The following MCC variants were observed in gnomAD, a reference collection of about 807,000 sequenced individuals.
MCC encodes colorectal mutant cancer protein.
A neutral mutation model predicts 116.2 loss-of-function variants in MCC; 90 were observed. That is an observed-to-expected ratio of 0.77 (90% CI 0.65 to 0.92). The LOEUF (loss-of-function observed/expected upper bound fraction) is 0.92. Among genes scored for constraint, MCC ranks in the 40% least tolerant of loss-of-function variants. MCC has a pLI of 0.00. For missense variants in MCC, 1,516 were observed against 1,312.2 expected, an observed-to-expected ratio of 1.16 and a Z score of -2.40; for synonymous variants, 578 against 510.5, an observed-to-expected ratio of 1.13 and a Z score of -1.78.
At chr5:113,366,072 G>A (rs1325943902) in intron 2 of MCC, among the ~76,000 whole-genome samples, 2 of 152,010 alleles carry the variant, frequency 1.3e-5, no homozygotes, top group East Asian at 3.8e-4. Context: ...CTTCTTTTGT[G>A]CTTTCGAAAC....
chr5:113,101,489 G>A (rs186306330), intron 8 of MCC: 44 of 505,732 alleles, frequency 8.7e-5, no homozygotes, highest in South Asian at 5.1e-4. Flanking sequence ...TCACTGCCCC[G>A]ATGTAATTTT....
chr5:113,068,063 A>G lies in MCC; in HGVS notation c.2029+17T>C, dbSNP rs759466495. On this transcript the variant is annotated intron_variant, in intron 13 of 18. Transcript: ENST00000408903. ...CAGGGAGACAAGAGGAGGAAGAGGG[A>G]CTCTGGAGACACTTACCAGGGGAGG... 6.2e-7 allele frequency: 1 copy of G among 1,604,416 alleles called. No individual in the cohort carries two copies. Among genetic ancestry groups the G allele is most frequent in the East Asian group, 2.2e-5 (1 of 44,820 alleles).
intron 3 of MCC, among the ~76,000 whole-genome samples, chr5:113,238,003 G>C (rs1764196503): frequency 6.6e-6 from 1 of 152,196 alleles, no homozygotes; most frequent in African/African-American, 2.4e-5. Context: ...AGCATGCTTT[G>C]TGGATTTTCT....
At chr5:113,082,757 A>G (rs1581017075) in intron 11 of MCC, 103 bp downstream of exon 11, 1 of 1,411,706 alleles carries the variant, frequency 7.1e-7, no homozygotes, top group Non-Finnish European at 9.7e-7. Context: ...GTACTGCTCT[A>G]TGTCACAATA....
At chr5:113,063,560 G>A (rs1319566511) in intron 14 of MCC, among the ~76,000 whole-genome samples, 2 of 152,254 alleles carry the variant, frequency 1.3e-5, no homozygotes, top group African/African-American at 4.8e-5. Flanking sequence ...GGAGAGTGAT[G>A]TCTGGAACTA....
chr5:113,073,241 A>G (rs6878438), intron 11 of MCC, among the ~76,000 whole-genome samples: 21,827 of 152,078 alleles, frequency 0.14, 1,802 homozygotes, highest in South Asian at 0.22. Context: ...CCTTTCTCTT[A>G]TTCAAGTGCA....
chr5:113,277,506 C>T (rs1765874788), intron 3 of MCC, among the ~76,000 whole-genome samples: 1 of 152,126 alleles, frequency 6.6e-6, no homozygotes, highest in Admixed American at 6.5e-5. Flanking sequence ...CTTTATCCTG[C>T]CCTTTCTGTA....
chr5:113,358,935 A>G (rs892565336), intron 2 of MCC, among the ~76,000 whole-genome samples: 6 of 152,202 alleles, frequency 3.9e-5, no homozygotes, highest in Admixed American at 3.9e-4. Context: ...TTACTAACAC[A>G]GGCCAATTGT....
At chr5:113,323,963 T>C (rs1156239039) in intron 3 of MCC, among the ~76,000 whole-genome samples, 1 of 152,354 alleles carries the variant, frequency 6.6e-6, no homozygotes, top group African/African-American at 2.4e-5. Flanking sequence ...CTATCTACTT[T>C]TCAGTTATTT....
intron 13 of MCC, among the ~76,000 whole-genome samples, chr5:113,064,689 T>C (rs1237191224): frequency 6.6e-6 from 1 of 152,172 alleles, no homozygotes; most frequent in Non-Finnish European, 1.5e-5. Flanking sequence ...CTCTGTATTA[T>C]AGGTACCGAT....
At chr5:113,143,480 A>G in intron 4 of MCC, 120 bp from the exon 5 acceptor site, 5 of 1,053,358 alleles carry the variant, frequency 4.7e-6, no homozygotes, top group Non-Finnish European at 7.0e-6. Context: ...CCCAAATAAA[A>G]TGTATGTCAG....
In MCC at chr5:113,401,282, G is replaced by T. The variant is rs1231302495; in HGVS notation, c.171-16070C>A. ...TACAACATGTATTTAATATATAAAAGATTCACAGTGTACTGTGAATGATAA... is the reference window on the plus strand; with the variant it reads ...TACAACATGTATTTAATATATAAAATATTCACAGTGTACTGTGAATGATAA... On this transcript the variant is annotated intron_variant, in intron 1 of 18. Coordinates refer to ENST00000408903, the MANE Select transcript of MCC (RefSeq NM_001085377.2). Among the ~76,000 whole-genome samples, 4 of 152,100 alleles carry T rather than the reference G, an allele frequency of 2.6e-5. No individual in the cohort carries two copies. The East Asian group carries it at 7.7e-4, about 29-fold the overall frequency.
chr5:113,071,591 A>G (rs1754047560), intron 11 of MCC, among the ~76,000 whole-genome samples: 3 of 152,214 alleles, frequency 2.0e-5, no homozygotes, highest in Non-Finnish European at 4.4e-5. Flanking sequence ...GTGGGCTTAG[A>G]TAAGTCACCC....
At position 113,071,116 on chromosome 5, in the gene MCC, G is replaced by A. The variant is rs1754007214; in HGVS notation, c.1903C>T (p.Leu635=). 1.2e-6 allele frequency: 2 copies of A among 1,609,612 alleles called. No individual in the cohort carries two copies. The highest frequency in any genetic ancestry group is 1.7e-6 in the Non-Finnish European group (2 of 1,178,504). Residue 635 remains leucine, a synonymous_variant, in exon 12 of 19, where the codon CTG becomes TTG. Transcript: ENST00000408903. ...TACCTGTACTGCAAGGCCAGCCTCAGCGCTGTGGCATTGGATTCGTATTTT... is the reference window on the plus strand; with the variant it reads ...TACCTGTACTGCAAGGCCAGCCTCAACGCTGTGGCATTGGATTCGTATTTT... The part of the protein sequence containing the change: ...VGKYESNATA[L]RLALQYSEQC...
chr5:113,270,753 G>A (rs1249363974), intron 3 of MCC, among the ~76,000 whole-genome samples: 1 of 150,952 alleles, frequency 6.6e-6, no homozygotes, highest in Non-Finnish European at 1.5e-5. Flanking sequence ...TGTGACCTGA[G>A]CTATATCCCT....
At chr5:113,250,667 TTGTG>T (rs1464019353) in intron 3 of MCC, among the ~76,000 whole-genome samples, 2 of 152,196 alleles carry the variant, frequency 1.3e-5, no homozygotes, top group South Asian at 2.1e-4. Context: ...ATGGAACTGT[TTGTG>T]TAAGTGGTGT....
At chr5:113,358,079 AC>A (rs1431588450) in intron 2 of MCC, among the ~76,000 whole-genome samples, 2 of 152,226 alleles carry the variant, frequency 1.3e-5, no homozygotes, top group East Asian at 1.9e-4. Flanking sequence ...GGAGGCAAGA[AC>A]TGACATTGCT....
At chr5:113,110,073 C>G (rs1003631283) in intron 6 of MCC, among the ~76,000 whole-genome samples, 1 of 152,196 alleles carries the variant, frequency 6.6e-6, no homozygotes, top group African/African-American at 2.4e-5. Context: ...CCCACCTCAG[C>G]TCCCCAAGTA....
chr5:113,402,309 A>AC (rs1278571239), intron 1 of MCC, among the ~76,000 whole-genome samples: 4 of 144,060 alleles, frequency 2.8e-5, no homozygotes, highest in Non-Finnish European at 4.7e-5. Flanking sequence ...AAAAAAAAAA[A>AC]AACACACTCA....
Sources: gnomAD v4.1 joint callset for allele counts (sites outside exome capture counted in the v4.1 genomes callset) on GRCh38, gnomAD v4.1.1 for gene constraint, MANE v1.5 for transcripts, NCBI Gene and HGNC (gene_info 2026-07-23, HGNC 2026-07-21) for gene names.